Variants in EMC1 observed in about 807,000 individuals in gnomAD.
EMC1 encodes the protein KIAA0090.
EMC1 carries 103 observed loss-of-function variants against 128.8 expected under a neutral mutation model. That is an observed-to-expected ratio of 0.80 (90% CI 0.68 to 0.94). EMC1 has a LOEUF of 0.94. Ranked by LOEUF, EMC1 falls within the 40% of genes least tolerant of loss-of-function variation. EMC1 has a pLI of 0.00. For synonymous variants in EMC1, 442 were observed against 490.4 expected (o/e 0.90, Z 1.30); for missense variants, 1,083 against 1,250.6 (o/e 0.87, Z 2.02).
intron 5 of EMC1, among the ~76,000 whole-genome samples, chr1:19,241,822 G>GA (rs1459067747): frequency 7.2e-5 from 11 of 152,140 alleles, no homozygotes; most frequent in Admixed American, 7.2e-4. Flanking sequence ...TTGAAGTTTT[G>GA]AGTCCTGCTC....
rs770906017 is a variant in EMC1 at position 19,227,366 on chromosome 1, C to A, written c.2149G>T (p.Glu717Ter). 6.2e-7 allele frequency: 1 copy of A among 1,614,118 alleles called. No homozygotes were observed. Among genetic ancestry groups the A allele is most frequent in the Non-Finnish European group, 8.5e-7 (1 of 1,180,046 alleles). ...ACACGGCCCTGGGAATGAACGTGCT[C>A]ACTGCTGCGTTTCCCCTTCACCTTG... is the stretch of plus-strand genomic sequence containing the variant. The part of the protein sequence containing the change: ...IVKVKGKRSS[E>*]HVHSQGRVMG... The change falls in exon 18 of 23, where the codon GAG becomes TAG. Residue 717 changes from glutamate (E) to a stop codon, truncating the protein, a stop_gained. Transcript: ENST00000477853. LOFTEE classifies it high-confidence loss of function.
intron 1 of EMC1, among the ~76,000 whole-genome samples, chr1:19,246,986 G>A (rs1238874225): frequency 6.6e-6 from 1 of 152,112 alleles, no homozygotes; most frequent in Non-Finnish European, 1.5e-5. Flanking sequence ...AGACATCAGG[G>A]ATGTGTAAGC....
In EMC1 at chr1:19,251,502, G is replaced by C. The variant is rs552276163; in HGVS notation, c.8C>G (p.Ala3Gly). 1.9e-6 allele frequency: 3 copies of C among 1,614,106 alleles called. No homozygotes were observed. The African/African-American group carries it at 4.0e-5, about 22-fold the overall frequency. The change falls in exon 1 of 23, where the codon GCT becomes GGT. Residue 3 changes from alanine (A) to glycine (G), a missense_variant. Ala to Gly is a moderately conservative substitution (Grantham distance 60, BLOSUM62 0). This residue lies in a region of EMC1 where 544 missense variants were observed against 572.4 expected (regional missense o/e 0.95). Transcript: ENST00000477853. ...AAGCCAGAAACGAGAAGCCCACTCAGCCGCCATGATGCGAGCGCATGCACC... is the reference window on the plus strand; with the variant it reads ...AAGCCAGAAACGAGAAGCCCACTCACCCGCCATGATGCGAGCGCATGCACC... MA[A>G]EWASRFWLWA... is the part of the protein sequence containing the mutation.
At position 19,231,439 on chromosome 1, in the gene EMC1, G is replaced by C. The variant is rs2093521040; in HGVS notation, c.1783-17C>G. ...TCCCGACTCCTAAAATGAGCAAACTGTCAGGCTCCACCAACAAGAAAAGAC... is the reference window on the plus strand; with the variant it reads ...TCCCGACTCCTAAAATGAGCAAACTCTCAGGCTCCACCAACAAGAAAAGAC... On this transcript the variant is annotated splice_polypyrimidine_tract_variant and intron_variant, in intron 15 of 22. Coordinates refer to ENST00000477853, the MANE Select transcript of EMC1 (RefSeq NM_015047.3). 4 of 1,607,816 alleles carry C rather than the reference G, an allele frequency of 2.5e-6. No individual in the cohort carries two copies. Among genetic ancestry groups the C allele is most frequent in the Non-Finnish European group, 2.5e-6 (3 of 1,178,232 alleles).
intron 5 of EMC1, 97 bp downstream of exon 5, chr1:19,242,248 C>A: frequency 7.4e-7 from 1 of 1,342,438 alleles, no homozygotes; most frequent in Non-Finnish European, 1.1e-6. Context: ...AAGAGACAGG[C>A]CTGGGTTAAA....
chr1:19,219,505 A>T (rs2093414683), intron 22 of EMC1, 23 bp from the exon 23 acceptor site: 1 of 1,613,852 alleles, frequency 6.2e-7, no homozygotes, highest in South Asian at 1.1e-5. Context: ...TGGAATAAGA[A>T]TTAGGAAAGA....
chr1:19,243,478 T>C (rs762809276), intron 4 of EMC1, 136 bp downstream of exon 4: 3 of 743,628 alleles, frequency 4.0e-6, no homozygotes, highest in African/African-American at 1.7e-5. Context: ...ATATCCACAA[T>C]GGGTACTCAA....
At chr1:19,235,605 G>A (rs2093557202) in intron 12 of EMC1, among the ~76,000 whole-genome samples, 1 of 152,174 alleles carries the variant, frequency 6.6e-6, no homozygotes, top group African/African-American at 2.4e-5. Context: ...GGAGGCTGAG[G>A]CAGGAGAATG....
intron 7 of EMC1, 111 bp downstream of exon 7, chr1:19,240,186 T>A (rs2151958558): frequency 7.1e-7 from 1 of 1,401,950 alleles, no homozygotes; most frequent in Middle Eastern, 2.1e-4. Flanking sequence ...CTGAATGGCT[T>A]CCACTGCTCA....
At chr1:19,246,035 G>C (rs540818688) in intron 1 of EMC1, among the ~76,000 whole-genome samples, 2 of 151,290 alleles carry the variant, frequency 1.3e-5, no homozygotes, top group African/African-American at 4.9e-5. Flanking sequence ...AGCCCAGGAG[G>C]TCGAGGCTGC....
chr1:19,246,807 A>C (rs751692862), intron 1 of EMC1, among the ~76,000 whole-genome samples: 2 of 152,124 alleles, frequency 1.3e-5, no homozygotes, highest in Non-Finnish European at 2.9e-5. Context: ...ATAAATAATA[A>C]AAATTTTAAA....
intron 6 of EMC1, 55 bp from the exon 7 acceptor site, chr1:19,240,501 C>G: frequency 2.5e-6 from 4 of 1,594,528 alleles, no homozygotes; most frequent in South Asian, 2.2e-5. Flanking sequence ...ACATTTCCCT[C>G]TCAGCCCAAC....
rs1053019100 is a variant in EMC1, at chr1:19,222,900, T to C, written c.2377-66A>G. The stretch of plus-strand genomic sequence containing the variant: ...CTTCAACTGGAAAGGGAAATTGCAC[T>C]GGAAGGCACCCCTCTAATTAGCTAC... On this transcript the variant is annotated intron_variant, in intron 19 of 22. Transcript: ENST00000477853. 7 of 1,247,416 alleles carry C rather than the reference T, an allele frequency of 5.6e-6. No individual in the cohort carries two copies. The African/African-American group carries it at 1.0e-4, about 19-fold the overall frequency. 77.3% of individuals were successfully genotyped at this position (1,247,416 alleles called of 1,614,324 possible). A position where few individuals can be genotyped will look rare whatever the true frequency, so the allele number is the denominator to read the frequency against.
intron 21 of EMC1, 26 bp downstream of exon 21, chr1:19,220,737 CT>C: frequency 6.4e-7 from 1 of 1,569,404 alleles, no homozygotes; most frequent in Non-Finnish European, 8.7e-7. Flanking sequence ...AGGTCAGAGC[CT>C]TCAGCACTGC....
chr1:19,218,314 C>G lies in EMC1; in HGVS notation c.*989G>C, dbSNP rs1222466960. On this transcript the variant is annotated 3_prime_UTR_variant, in exon 23 of 23. Coordinates refer to ENST00000477853, the MANE Select transcript of EMC1 (RefSeq NM_015047.3). ...CAGTATGCCAGTTTCCCACCCCTAC[C>G]CTCTTTCTCCTTTTTTAAAGCTTCA... 6.6e-6 allele frequency: 1 copy of G among 152,180 alleles called. No homozygotes were observed. The allele number at this position is 152,180 out of a possible 1,614,324, so 9.4% of individuals were successfully genotyped here. A position where few individuals can be genotyped will look rare whatever the true frequency, so the allele number is the denominator to read the frequency against.
chr1:19,238,864 G>T lies in EMC1; in HGVS notation c.1027-7C>A, dbSNP rs1162578647. 12 of 1,588,356 alleles carry T rather than the reference G, an allele frequency of 7.6e-6. No individual in the cohort carries two copies. The highest frequency in any genetic ancestry group is 1.0e-5 in the Non-Finnish European group (12 of 1,157,778). The stretch of plus-strand genomic sequence containing the variant: ...CAGAACTGCTACTTTTCTGCTATGA[G>T]AAAGAGAAGGACAGGAGAAAATTCA... On this transcript the variant is annotated splice_polypyrimidine_tract_variant and splice_region_variant and intron_variant, in intron 9 of 22. Coordinates refer to ENST00000477853, the MANE Select transcript of EMC1 (RefSeq NM_015047.3).
intron 11 of EMC1, among the ~76,000 whole-genome samples, chr1:19,237,521 A>C (rs536599391): frequency 6.6e-6 from 1 of 152,306 alleles, no homozygotes; most frequent in South Asian, 2.1e-4. Flanking sequence ...CAAAGTGAGC[A>C]GGAGGCCGGG....
At chr1:19,236,129 A>C (rs528571607) in intron 12 of EMC1, among the ~76,000 whole-genome samples, 1 of 152,144 alleles carries the variant, frequency 6.6e-6, no homozygotes, top group African/African-American at 2.4e-5. Flanking sequence ...TAATCCCAGC[A>C]CTTTGGGAGG....
chr1:19,240,518 A>G, intron 6 of EMC1, 72 bp from the exon 7 acceptor site: 3 of 1,553,612 alleles, frequency 1.9e-6, no homozygotes, highest in Non-Finnish European at 2.7e-6. Context: ...CAACAGCAAT[A>G]TTGCTGCCAG....
Sources: gnomAD v4.1 joint callset for allele counts (sites outside exome capture counted in the v4.1 genomes callset) on GRCh38, gnomAD v4.1.1 for gene constraint, gnomAD v4.1.1 regional missense constraint, MANE v1.5 for transcripts, NCBI Gene and HGNC (gene_info 2026-07-23, HGNC 2026-07-21) for gene names.